Variants in XKR3 observed in about 807,000 individuals in gnomAD.
The protein encoded by XKR3 is XK-related protein 3.
Under a neutral mutation model 40.3 loss-of-function variants are expected in XKR3, and 27 were observed. The observed-to-expected ratio is 0.67, with a 90% CI of 0.49 to 0.92. XKR3 has a LOEUF of 0.92. Ranked by LOEUF, XKR3 falls within the 40% of genes least tolerant of loss-of-function variation. The pLI is 0.00. For synonymous variants in XKR3, 193 were observed against 195.4 expected, an observed-to-expected ratio of 0.99 and a Z score of 0.10; for missense variants, 472 against 537.6, an observed-to-expected ratio of 0.88 and a Z score of 1.21.
intron 3 of XKR3, among the ~76,000 whole-genome samples, chr22:16,792,733 C>T (rs1297162729): frequency 1.3e-5 from 2 of 152,198 alleles, no homozygotes; most frequent in Non-Finnish European, 2.9e-5. Context: ...TGTCAAATGA[C>T]ATCTTTGTAA....
At chr22:16,818,693 C>T (rs191346243) in intron 1 of XKR3, among the ~76,000 whole-genome samples, 2 of 152,222 alleles carry the variant, frequency 1.3e-5, no homozygotes, top group Non-Finnish European at 2.9e-5. Context: ...GAGGAGGCAG[C>T]TAATCTTCTA....
At chr22:16,795,922 A>G (rs1426178804) in intron 3 of XKR3, among the ~76,000 whole-genome samples, 2 of 152,100 alleles carry the variant, frequency 1.3e-5, no homozygotes, top group Non-Finnish European at 2.9e-5. Context: ...ATGCAAGATC[A>G]TGTCACTGAA....
At chr22:16,797,032 C>A (rs2060144126) in intron 3 of XKR3, among the ~76,000 whole-genome samples, 1 of 152,168 alleles carries the variant, frequency 6.6e-6, no homozygotes, top group Non-Finnish European at 1.5e-5. Flanking sequence ...CTACAACCAT[C>A]TGATCTTTGA....
rs767860613 is a variant in XKR3 at position 16,807,799 on chromosome 22, A to T, written c.275T>A (p.Leu92Ter). Residue 92 changes from leucine (L) to a stop codon, truncating the protein, a stop_gained, in exon 2 of 4, where the codon TTG (leucine) becomes TAG (stop). Coordinates refer to ENST00000684488, the MANE Select transcript of XKR3 (RefSeq NM_001386955.1). LOFTEE classifies it high-confidence loss of function. ...AAGTAATGCAGCCTTATTTCTCCTC[A>T]AGTCTTTGTTGAAAAACATCAGGAT... ...QIILMFFNKD[L>*]RRNKAALLFW... The T allele has an allele frequency of 4.1e-5, 66 of 1,613,578 alleles. No homozygotes were observed. The highest frequency in any genetic ancestry group is 5.3e-5 in the Non-Finnish European group (63 of 1,179,756).
intron 1 of XKR3, among the ~76,000 whole-genome samples, chr22:16,817,343 C>T (rs1165758522): frequency 1.8e-5 from 1 of 55,578 alleles, no homozygotes; most frequent in Non-Finnish European, 5.1e-5. Flanking sequence ...CTTAGGGCAT[C>T]GAACGTCCAC....
At chr22:16,800,918 CAG>C (rs1346760011) in intron 2 of XKR3, among the ~76,000 whole-genome samples, 1 of 151,996 alleles carries the variant, frequency 6.6e-6, no homozygotes, top group Non-Finnish European at 1.5e-5. Flanking sequence ...AAAGAACCAA[CAG>C]AATCTCTAGA....
At chr22:16,804,177 A>G (rs1475484549) in intron 2 of XKR3, among the ~76,000 whole-genome samples, 1 of 149,162 alleles carries the variant, frequency 6.7e-6, no homozygotes, top group Non-Finnish European at 1.5e-5. Context: ...ATCAATTAAG[A>G]AAAAAAAAGC....
At chr22:16,800,468 TA>T (rs1410852583) in intron 2 of XKR3, among the ~76,000 whole-genome samples, 2 of 152,186 alleles carry the variant, frequency 1.3e-5, no homozygotes, top group East Asian at 1.9e-4. Context: ...CTTCCCATGA[TA>T]CAAATGTCAA....
At chr22:16,822,277 C>T (rs377089438) in intron 1 of XKR3, among the ~76,000 whole-genome samples, 2 of 151,886 alleles carry the variant, frequency 1.3e-5, no homozygotes, top group Non-Finnish European at 2.9e-5. Context: ...AGTGTAATAC[C>T]TCTTCAAGGT....
In XKR3 at chr22:16,800,171, TAA is replaced by T. The variant is rs978203653; in HGVS notation, c.336-149_336-148del. The T allele has an allele frequency of 1.5e-5, 14 of 950,416 alleles. No homozygotes were observed. In the African/African-American group the frequency reaches 1.7e-4, roughly 11 times the overall value. The allele number at this position is 950,416 out of a possible 1,614,324, so 58.9% of individuals were successfully genotyped here. A position where few individuals can be genotyped will look rare whatever the true frequency, so the allele number is the denominator to read the frequency against. On this transcript the variant is annotated intron_variant, in intron 2 of 3. Transcript: ENST00000684488. The stretch of plus-strand genomic sequence containing the variant: ...TAACTTAATCACACTGGATAAAAAA[TAA>T]GTTTCTAACAGTTTCTAATATTATT...
chr22:16,806,618 T>C (rs540777143), intron 2 of XKR3, among the ~76,000 whole-genome samples: 2 of 152,098 alleles, frequency 1.3e-5, no homozygotes, highest in Admixed American at 1.3e-4. Flanking sequence ...TTTTGGTATT[T>C]AGCAGAGACG....
intron 1 of XKR3, among the ~76,000 whole-genome samples, chr22:16,808,718 G>GA (rs1036537650): frequency 6.6e-6 from 1 of 152,078 alleles, no homozygotes; most frequent in African/African-American, 2.4e-5. Context: ...TTGTTGGGGG[G>GA]AAAAACAGCT....
In XKR3 at chr22:16,783,641, C is replaced by A. The variant is rs2060075196; in HGVS notation, c.1358G>T (p.Arg453Ile). Residue 453 changes from arginine to isoleucine, a missense_variant, in exon 4 of 4, where the codon AGA (arginine) becomes ATA (isoleucine). Arg to Ile is a moderately conservative substitution (Grantham distance 97). Transcript: ENST00000684488. ...ATTTTATGAACATGTCATACTTTTT[C>A]TGATTGAAAAATATCCAACCCTATT... ...SCNRVGYFSI[R>I]KSMTCS 1.9e-6 allele frequency: 3 copies of A among 1,594,724 alleles called. No homozygotes were observed. The highest frequency in any genetic ancestry group is 1.1e-5 in the South Asian group (1 of 87,668).
intron 1 of XKR3, among the ~76,000 whole-genome samples, chr22:16,813,237 T>C (rs753125989): frequency 1.3e-5 from 2 of 151,760 alleles, no homozygotes; most frequent in Non-Finnish European, 2.9e-5. Flanking sequence ...TGAGCCAAGA[T>C]TGCACCACTG....
At chr22:16,789,341 A>T (rs1251325789) in intron 3 of XKR3, among the ~76,000 whole-genome samples, 1 of 152,194 alleles carries the variant, frequency 6.6e-6, no homozygotes, top group Non-Finnish European at 1.5e-5. Context: ...CATATAAATT[A>T]AGTAGCATTT....
intron 3 of XKR3, among the ~76,000 whole-genome samples, chr22:16,788,768 T>C (rs2108586): frequency 0.85 from 129,879 of 152,046 alleles, 55,583 homozygotes; most frequent in Middle Eastern, 0.97. Context: ...TGAGTTATAA[T>C]GCACATTTAG....
chr22:16,809,939 A>T (rs777210590), intron 1 of XKR3, among the ~76,000 whole-genome samples: 9 of 152,068 alleles, frequency 5.9e-5, no homozygotes, highest in African/African-American at 2.2e-4. Flanking sequence ...TTTTGTAGAG[A>T]CAGGGTCTCT....
rs2060159815 is a variant in XKR3 at position 16,799,827 on chromosome 22, T to C, written c.533A>G (p.Gln178Arg). Residue 178 changes from glutamine (Q) to arginine (R), a missense_variant, in exon 3 of 4, where the codon CAA becomes CGA. Physicochemically the swap from Gln to Arg is conservative, Grantham distance 43. Coordinates refer to ENST00000684488, the MANE Select transcript of XKR3 (RefSeq NM_001386955.1). ...ACTGATATACATCTGCAAAATTAAT[T>C]GTGGAACAGAACCGAGAAAAGCCTG... ...VIQAFLGSVP[Q>R]LILQMYISLT... The C allele has an allele frequency of 1.2e-6, 2 of 1,614,038 alleles. No homozygotes were observed. Among genetic ancestry groups the C allele is most frequent in the South Asian group, 2.2e-5 (2 of 91,088 alleles).
intron 2 of XKR3, among the ~76,000 whole-genome samples, chr22:16,807,076 A>G (rs1200879991): frequency 6.6e-6 from 1 of 152,208 alleles, no homozygotes; most frequent in African/African-American, 2.4e-5. Flanking sequence ...GAGTTTACCT[A>G]AAACATTCAG....
Sources: allele counts gnomAD v4.1 joint callset (sites outside exome capture counted in the v4.1 genomes callset), GRCh38; gene constraint gnomAD v4.1.1; transcripts MANE v1.5; gene names NCBI Gene and HGNC (gene_info 2026-07-23, HGNC 2026-07-21).